Variants in MMS22L observed in about 807,000 individuals in gnomAD.
MMS22L encodes the protein MMS22 like, DNA repair protein.
Under a neutral mutation model 159.1 loss-of-function variants are expected in MMS22L, and 74 were observed. That is an observed-to-expected ratio of 0.47 (90% CI 0.39 to 0.56). MMS22L has a LOEUF of 0.56. Ranked by LOEUF, MMS22L falls within the 20% of genes least tolerant of loss-of-function variation. The pLI is 0.00. For missense variants in MMS22L, 1,351 were observed against 1,422.1 expected (o/e 0.95, Z 0.80); for synonymous variants, 517 against 506.9 (o/e 1.02, Z -0.27).
At chr6:97,154,533 T>C (rs1393879614) in intron 22 of MMS22L, among the ~76,000 whole-genome samples, 1 of 152,132 alleles carries the variant, frequency 6.6e-6, no homozygotes, top group African/African-American at 2.4e-5. Flanking sequence ...AAATTCGAGG[T>C]CATGAAGATT....
intron 17 of MMS22L, 53 bp from the exon 18 acceptor site, chr6:97,178,638 C>T (rs1804366573): frequency 3.6e-6 from 3 of 842,690 alleles, no homozygotes; most frequent in Non-Finnish European, 5.3e-6. Flanking sequence ...ATACTATATA[C>T]ATAACCACAC....
intron 16 of MMS22L, among the ~76,000 whole-genome samples, chr6:97,181,474 C>T (rs192304137): frequency 1.1e-4 from 16 of 152,146 alleles, no homozygotes; most frequent in Admixed American, 5.2e-4. Context: ...AGAGTGAAAA[C>T]TCATGATCTC....
At chr6:97,262,603 C>G (rs1185158001) in intron 9 of MMS22L, among the ~76,000 whole-genome samples, 2 of 139,250 alleles carry the variant, frequency 1.4e-5, no homozygotes, top group Non-Finnish European at 3.0e-5. Flanking sequence ...GAGATCATGC[C>G]AAGGTGGAGG....
At chr6:97,261,372 C>T (rs1349183960) in intron 9 of MMS22L, 1 of 152,688 alleles carries the variant, frequency 6.5e-6, no homozygotes. Flanking sequence ...CAAGACCAAC[C>T]CCTCCTCTTC....
rs1486579045 is a variant in MMS22L, at chr6:97,149,755, C to G, written c.3650+98G>C. On this transcript the variant is annotated intron_variant, in intron 24 of 24. Coordinates refer to ENST00000683635, the MANE Select transcript of MMS22L (RefSeq NM_001350599.2). The stretch of plus-strand genomic sequence containing the variant: ...ATTTTTCATCTCAAAAGAACATACC[C>G]AAATTTTGGGGAATAAGAAAATAAA... 9.6e-6 allele frequency: 12 copies of G among 1,255,530 alleles called. No individual in the cohort carries two copies. The South Asian group carries it at 2.1e-4, about 22-fold the overall frequency. 77.8% of individuals were successfully genotyped at this position (1,255,530 alleles called of 1,614,324 possible).
chr6:97,263,224 T>C, intron 9 of MMS22L, 111 bp downstream of exon 9: 1 of 670,014 alleles, frequency 1.5e-6, no homozygotes, highest in South Asian at 1.9e-5. Flanking sequence ...TTGGTGGTTA[T>C]TATTGCCTTA....
Position 97,201,429 on chromosome 6 carries a change from A to G in MMS22L, c.2040-14739T>C, listed in dbSNP as rs553153477. On this transcript the variant is annotated intron_variant, in intron 14 of 24. Coordinates refer to ENST00000683635, the MANE Select transcript of MMS22L (RefSeq NM_001350599.2). ...GGAGCTAATTTTCTGTCATTCAGGAAGAACTGCTGGATCACTAAACTTGTA... is the reference window on the plus strand; with the variant it reads ...GGAGCTAATTTTCTGTCATTCAGGAGGAACTGCTGGATCACTAAACTTGTA... Among the ~76,000 whole-genome samples the G allele has an allele frequency of 7.2e-5, 11 of 152,310 alleles. No individual in the cohort carries two copies. In the East Asian group the frequency reaches 9.6e-4, roughly 13 times the overall value.
chr6:97,205,245 G>A (rs907097063), intron 14 of MMS22L, among the ~76,000 whole-genome samples: 16 of 151,374 alleles, frequency 1.1e-4, no homozygotes, highest in African/African-American at 3.4e-4. Flanking sequence ...ACTCGGCCAC[G>A]TATTTTTTTT....
chr6:97,217,226 T>C (rs1200138598), intron 14 of MMS22L, among the ~76,000 whole-genome samples: 1 of 152,118 alleles, frequency 6.6e-6, no homozygotes, highest in African/African-American at 2.4e-5. Context: ...AAATCTAATA[T>C]ATTTTTATTT....
At chr6:97,193,407 T>TCA (rs371166823) in intron 14 of MMS22L, among the ~76,000 whole-genome samples, 49 of 152,300 alleles carry the variant, frequency 3.2e-4, no homozygotes, top group Middle Eastern at 3.4e-3. Context: ...AGCACTGGTA[T>TCA]GAAAACATAC....
At chr6:97,270,415 T>C in intron 6 of MMS22L, 1 of 365,494 alleles carries the variant, frequency 2.7e-6, no homozygotes, top group South Asian at 2.2e-5. Flanking sequence ...AACTTTAGAC[T>C]GTCATGTAGA....
chr6:97,181,023 T>A (rs747737735), intron 16 of MMS22L, among the ~76,000 whole-genome samples: 1 of 152,122 alleles, frequency 6.6e-6, no homozygotes, highest in South Asian at 2.1e-4. Flanking sequence ...ACATATGCCA[T>A]GTGTACACAC....
At chr6:97,194,440 T>TA (rs935016460) in intron 14 of MMS22L, among the ~76,000 whole-genome samples, 8 of 149,618 alleles carry the variant, frequency 5.3e-5, no homozygotes, top group African/African-American at 9.8e-5. Flanking sequence ...TTTCCTCATC[T>TA]AAAAAAAAAG....
intron 14 of MMS22L, among the ~76,000 whole-genome samples, chr6:97,226,453 G>T (rs959532348): frequency 6.6e-6 from 1 of 152,060 alleles, no homozygotes. Flanking sequence ...AATTAGCTGT[G>T]CGTGGTAGTG....
intron 21 of MMS22L, among the ~76,000 whole-genome samples, chr6:97,162,612 CCAAA>C (rs1201192258): frequency 1.3e-5 from 2 of 151,884 alleles, no homozygotes; most frequent in African/African-American, 2.4e-5. Context: ...TCTTATTTTT[CCAAA>C]CAAACAGAGG....
At chr6:97,187,872 T>C in intron 14 of MMS22L, among the ~76,000 whole-genome samples, 1 of 152,286 alleles carries the variant, frequency 6.6e-6, no homozygotes, top group African/African-American at 2.4e-5. Flanking sequence ...AAGTATAAAC[T>C]GTATAACATT....
At chr6:97,264,889 C>T (rs1235718983) in intron 8 of MMS22L, 3 of 151,896 alleles carry the variant, frequency 2.0e-5, no homozygotes, top group African/African-American at 7.3e-5. Flanking sequence ...ATGAAAGAAA[C>T]TGAATACAAC....
chr6:97,270,351 A>T (rs1815600157), intron 6 of MMS22L: 3 of 452,358 alleles, frequency 6.6e-6, no homozygotes, highest in East Asian at 6.8e-5. Flanking sequence ...TAGCTAGGAA[A>T]TTTTTTTTAA....
chr6:97,179,468 T>C lies in MMS22L; in HGVS notation c.2476A>G (p.Ile826Val), dbSNP rs147656924. 2.5e-4 allele frequency: 404 copies of C among 1,613,812 alleles called. 2 individuals are homozygous for C. In the African/African-American group the frequency reaches 4.5e-3, roughly 18 times the overall value. ...TCATCAGGCCCAGAGAGGTTTTTAA[T>C]ATACATTTGCAAAACACAACGAATC... is the stretch of plus-strand genomic sequence containing the variant. ...SWIRCVLQMY[I>V]KNLSGPDDLL... The change falls in exon 17 of 25, where the codon ATT (isoleucine) becomes GTT (valine). Residue 826 changes from isoleucine to valine, a missense_variant. Coordinates refer to ENST00000683635, the MANE Select transcript of MMS22L (RefSeq NM_001350599.2).
Sources: gnomAD v4.1 joint callset for allele counts (sites outside exome capture counted in the v4.1 genomes callset) on GRCh38, gnomAD v4.1.1 for gene constraint, MANE v1.5 for transcripts, NCBI Gene and HGNC (gene_info 2026-07-23, HGNC 2026-07-21) for gene names.